The following DNM3 variants were observed in gnomAD, a reference collection of about 807,000 sequenced individuals.
DNM3 encodes dynamin 3, also known as dynamin-3.
A neutral mutation model predicts 101.6 loss-of-function variants in DNM3; 47 were observed. The observed-to-expected ratio is 0.46, with a 90% confidence interval of 0.37 to 0.59. The LOEUF (loss-of-function observed/expected upper bound fraction) is 0.59, where lower values mean the gene tolerates loss of function less well. DNM3 is among the 20% of genes least tolerant of loss of function. DNM3 has a pLI of 0.00. For missense variants in DNM3, 849 were observed against 1,085.7 expected (o/e 0.78, Z 3.06); for synonymous variants, 385 against 387.9 (o/e 0.99, Z 0.09).
At chr1:172,405,355 G>A (rs2070797058) in intron 20 of DNM3, among the ~76,000 whole-genome samples, 2 of 151,982 alleles carry the variant, frequency 1.3e-5, no homozygotes, top group South Asian at 4.1e-4. Context: ...ATAATCACAA[G>A]TAGGGTTACG....
At chr1:172,074,681 G>A (rs945786922) in intron 11 of DNM3, among the ~76,000 whole-genome samples, 1 of 152,194 alleles carries the variant, frequency 6.6e-6, no homozygotes, top group Non-Finnish European at 1.5e-5. Context: ...ATTCCATGGT[G>A]TATATGAGCC....
At chr1:172,002,441 A>G (rs1437002427) in intron 4 of DNM3, among the ~76,000 whole-genome samples, 1 of 152,110 alleles carries the variant, frequency 6.6e-6, no homozygotes, top group Non-Finnish European at 1.5e-5. Context: ...TTGTTCTTTT[A>G]AATTGAGAAT....
chr1:172,263,862 G>A (rs2062760093), intron 15 of DNM3, among the ~76,000 whole-genome samples: 1 of 152,188 alleles, frequency 6.6e-6, no homozygotes, highest in African/African-American at 2.4e-5. Flanking sequence ...AATCACTAGT[G>A]TGAGTGTCAT....
At chr1:172,375,824 CAT>C in intron 17 of DNM3, among the ~76,000 whole-genome samples, 1 of 132,004 alleles carries the variant, frequency 7.6e-6, no homozygotes, top group East Asian at 2.2e-4. Context: ...GCCTGGGAAA[CAT>C]AACAAAACCC....
chr1:172,036,242 G>A (rs1172701428), intron 6 of DNM3, among the ~76,000 whole-genome samples: 1 of 141,998 alleles, frequency 7.0e-6, no homozygotes, highest in Non-Finnish European at 1.5e-5. Context: ...ACCTATGAGT[G>A]AGAACATGCG....
chr1:172,310,591 G>C (rs1437015461), intron 16 of DNM3: 1 of 152,268 alleles, frequency 6.6e-6, no homozygotes, highest in Non-Finnish European at 1.5e-5. Flanking sequence ...GCTCTTCAAA[G>C]AAGGGAGGGA....
intron 17 of DNM3, among the ~76,000 whole-genome samples, chr1:172,365,967 T>TGCCTGTAATCTCAGCTAGTTCAGGG (rs2067995259): frequency 6.6e-6 from 1 of 151,988 alleles, no homozygotes; most frequent in Non-Finnish European, 1.5e-5. Flanking sequence ...AAGTGGCTAA[T>TGCCTGTAATCTCAGCTAGTTCAGGG]GCCTGTAATC....
chr1:171,997,719 G>A (rs1184348940), intron 4 of DNM3, among the ~76,000 whole-genome samples: 1 of 152,140 alleles, frequency 6.6e-6, no homozygotes, highest in Non-Finnish European at 1.5e-5. Flanking sequence ...CTGGTCAGTA[G>A]TGTAAGTTCA....
intron 14 of DNM3, among the ~76,000 whole-genome samples, chr1:172,210,311 G>A (rs1320495501): frequency 6.4e-5 from 8 of 125,836 alleles, no homozygotes; most frequent in Non-Finnish European, 1.2e-4. Flanking sequence ...GTAAGAGAGC[G>A]TGCTTTTTTT....
rs71561599 is a variant in DNM3 at position 171,942,201 on chromosome 1, A to ATTTTTTTT, written c.235+20396_235+20403dup. Reference sequence around the variant, plus strand: ...AATGTTTTTAAATGCTGCTCACTTGATTTTTTTTTTTTTTTTTTTTTTTAT... The same window carrying ATTTTTTTT: ...AATGTTTTTAAATGCTGCTCACTTGATTTTTTTTTTTTTTTTTTTTTTTTTTTTTTTAT... On this transcript the variant is annotated intron_variant, in intron 2 of 20. Transcript: ENST00000627582. 2.8e-3 allele frequency among the ~76,000 whole-genome samples: 288 copies of ATTTTTTTT among 103,564 alleles called. 9 individuals are homozygous for ATTTTTTTT. Among genetic ancestry groups the ATTTTTTTT allele is most frequent in the African/African-American group, 9.2e-3 (246 of 26,818 alleles). The allele number at this position is 103,564 out of a possible 152,430, so 67.9% of individuals were successfully genotyped here.
intron 15 of DNM3, among the ~76,000 whole-genome samples, chr1:172,265,231 T>C (rs1470705208): frequency 6.8e-6 from 1 of 146,044 alleles, no homozygotes; most frequent in Admixed American, 6.8e-5. Flanking sequence ...TGTGTGGGAA[T>C]TAATACATTT....
intron 1 of DNM3, among the ~76,000 whole-genome samples, chr1:171,844,181 T>C (rs1208204613): frequency 1.3e-5 from 2 of 152,218 alleles, no homozygotes; most frequent in African/African-American, 4.8e-5. Context: ...TTATTCAGCC[T>C]AGGTGGAAAA....
intron 14 of DNM3, among the ~76,000 whole-genome samples, chr1:172,238,700 A>G (rs2061633360): frequency 6.6e-6 from 1 of 152,080 alleles, no homozygotes; most frequent in Non-Finnish European, 1.5e-5. Flanking sequence ...CGAGAGGGGA[A>G]GCTTTGTTGG....
Position 172,387,241 on chromosome 1 carries a change from C to T in DNM3, c.2167C>T (p.Leu723Phe), listed in dbSNP as rs1328221075. 1.9e-6 allele frequency: 3 copies of T among 1,613,974 alleles called. No homozygotes were observed. Among genetic ancestry groups the T allele is most frequent in the South Asian group, 2.2e-5 (2 of 91,080 alleles). Residue 723 changes from leucine to phenylalanine, a missense_variant, in exon 19 of 21, where the codon CTT becomes TTT. Leu to Phe is a conservative substitution (Grantham distance 22). Around this residue, in one of 5 missense-constraint regions of DNM3, gnomAD observed 256 missense variants for 311.7 expected, o/e 0.82. Transcript: ENST00000627582. ...GCAGGCTCAGCGCCGGGATGAGATG[C>T]TTCGAATGTATCAAGCACTGAAAGA... ...AEQAQRRDEM[L>F]RMYQALKEAL...
chr1:172,000,426 T>C (rs1002010306), intron 4 of DNM3, among the ~76,000 whole-genome samples: 1 of 152,064 alleles, frequency 6.6e-6, no homozygotes, highest in Admixed American at 6.6e-5. Context: ...TCTTTGTCCC[T>C]CTGGCTTGTC....
intron 4 of DNM3, 35 bp downstream of exon 4, chr1:171,989,183 A>C: frequency 6.3e-7 from 1 of 1,587,918 alleles, no homozygotes; most frequent in Non-Finnish European, 8.6e-7. Context: ...GAAGGAATTA[A>C]AGTGTCAGGA....
intron 4 of DNM3, among the ~76,000 whole-genome samples, chr1:172,020,223 T>C (rs1005257089): frequency 6.6e-6 from 1 of 152,158 alleles, no homozygotes; most frequent in Non-Finnish European, 1.5e-5. Context: ...GTCTCACAAG[T>C]GCTTCTTAGT....
chr1:172,308,212 C>CCA (rs1407320073), intron 15 of DNM3, among the ~76,000 whole-genome samples: 2 of 152,146 alleles, frequency 1.3e-5, no homozygotes, highest in African/African-American at 4.8e-5. Context: ...ATATGCACTT[C>CCA]ATTGGCATCT....
At chr1:172,106,217 T>C (rs2055002128) in intron 13 of DNM3, among the ~76,000 whole-genome samples, 1 of 152,264 alleles carries the variant, frequency 6.6e-6, no homozygotes, top group East Asian at 1.9e-4. Context: ...GGTCAGGAGT[T>C]TGAGACCAGC....
Sources: gnomAD v4.1 joint callset for allele counts (sites outside exome capture counted in the v4.1 genomes callset) on GRCh38, gnomAD v4.1.1 for gene constraint, gnomAD v4.1.1 regional missense constraint, MANE v1.5 for transcripts, NCBI Gene and HGNC (gene_info 2026-07-23, HGNC 2026-07-21) for gene names.